Variants in HTR2C observed in about 807,000 individuals in gnomAD.
The protein encoded by HTR2C is 5-hydroxytryptamine (serotonin) receptor 2C, G protein-coupled.
In HTR2C, 5 loss-of-function variants were observed where a neutral mutation model predicts 21.0. The ratio of observed to expected loss-of-function variants is 0.24; its 90% CI spans 0.12 to 0.50. The LOEUF (loss-of-function observed/expected upper bound fraction) is 0.50, where lower values mean the gene tolerates loss of function less well. Among genes scored for constraint, HTR2C ranks in the 20% least tolerant of loss-of-function variants. The probability of loss-of-function intolerance (pLI) is 0.98; values close to 1 mark genes in which losing one functional copy is unlikely to be tolerated. For synonymous variants in HTR2C, 150 were observed against 145.3 expected (o/e 1.03, Z -0.23); for missense variants, 271 against 371.2 (o/e 0.73, Z 2.22).
Position 114,647,259 on chromosome X carries a change from A to G in HTR2C, c.-80+33378A>G, listed in dbSNP as rs782120993. Among the ~76,000 whole-genome samples, 32 of 111,996 alleles carry G rather than the reference A, an allele frequency of 2.9e-4. 1 individual carries two copies. The highest frequency in any genetic ancestry group is 5.8e-4 in the Non-Finnish European group (31 of 53,190). On this transcript the variant is annotated intron_variant, in intron 2 of 5. Transcript: ENST00000276198. Reference sequence around the variant, plus strand: ...AATGTTCTCCCTACAAAAAAATGATAAGTATTTGAGGTTCTGGCTATACTA... The same window carrying G: ...AATGTTCTCCCTACAAAAAAATGATGAGTATTTGAGGTTCTGGCTATACTA...
rs1294618452 is a variant in HTR2C at position 114,718,973 on chromosome X, AAT to A, written c.-79-7877_-79-7876del. Among the ~76,000 whole-genome samples the A allele has an allele frequency of 9.8e-3, 352 of 35,920 alleles. 2 individuals carry two copies. The highest frequency in any genetic ancestry group is 0.023 in the African/African-American group (318 of 14,020). The allele number at this position is 35,920 out of a possible 115,157, so 31.2% of individuals were successfully genotyped here. On this transcript the variant is annotated intron_variant, in intron 2 of 5. Transcript: ENST00000276198. ...TATATTAATATTAATATTAATATTT[AAT>A]ATATATAATATAATAATATAATATA...
At chrX:114,629,477 T>C (rs1038587054) in intron 2 of HTR2C, among the ~76,000 whole-genome samples, 3 of 111,878 alleles carry the variant, frequency 2.7e-5, no homozygotes, top group African/African-American at 6.5e-5. Context: ...AACTTCCCCA[T>C]ACAGGGAGGA....
intron 1 of HTR2C, among the ~76,000 whole-genome samples, chrX:114,597,218 C>CAAAAAAAA (rs782280036): frequency 2.3e-5 from 1 of 44,179 alleles, no homozygotes; most frequent in African/African-American, 9.2e-5. Context: ...ATTTCATCTC[C>CAAAAAAAA]AAAAAAAAAA....
intron 5 of HTR2C, among the ~76,000 whole-genome samples, chrX:114,854,536 A>C (rs2070943842): frequency 9.0e-6 from 1 of 110,753 alleles, no homozygotes; most frequent in Admixed American, 9.7e-5. Flanking sequence ...GTACCCATTA[A>C]ATAATTTCTC....
chrX:114,636,722 T>C (rs1379163373), intron 2 of HTR2C, among the ~76,000 whole-genome samples: 1 of 112,066 alleles, frequency 8.9e-6, no homozygotes, highest in Non-Finnish European at 1.9e-5. Flanking sequence ...ATGTATGATT[T>C]TCACATTGAT....
intron 5 of HTR2C, among the ~76,000 whole-genome samples, chrX:114,877,836 A>G (rs138864122): frequency 0.02 from 2,181 of 111,029 alleles, 12 homozygotes; most frequent in Non-Finnish European, 0.032. Flanking sequence ...TACAATTTCA[A>G]TCTTCTTAAA....
chrX:114,838,332 T>G (rs2070805348), intron 4 of HTR2C, among the ~76,000 whole-genome samples: 1 of 112,031 alleles, frequency 8.9e-6, no homozygotes, highest in Non-Finnish European at 1.9e-5. Context: ...ACTTAGAGAT[T>G]GATTATAATT....
intron 4 of HTR2C, 27 bp downstream of exon 4, chrX:114,731,634 A>T (rs782034645): frequency 9.9e-7 from 1 of 1,011,241 alleles, no homozygotes; most frequent in Admixed American, 2.4e-5. Flanking sequence ...TCACTTTTCA[A>T]TCTCGTATAA....
intron 4 of HTR2C, among the ~76,000 whole-genome samples, chrX:114,781,814 T>TGA (rs1416235097): frequency 1.1e-5 from 1 of 91,944 alleles, no homozygotes; most frequent in South Asian, 5.6e-4. Flanking sequence ...CCCCGCCGTC[T>TGA]AAAAAAAAAA....
chrX:114,801,795 C>T (rs1189637839), intron 4 of HTR2C, among the ~76,000 whole-genome samples: 1 of 110,657 alleles, frequency 9.0e-6, no homozygotes, highest in Admixed American at 9.7e-5. Context: ...TCACCTCAAG[C>T]ATTTATGCTT....
intron 2 of HTR2C, among the ~76,000 whole-genome samples, chrX:114,710,945 T>C (rs1204134791): frequency 8.9e-6 from 1 of 111,796 alleles, no homozygotes; most frequent in African/African-American, 3.2e-5. Context: ...TGAGAGCAAC[T>C]TCCCAATTTT....
intron 4 of HTR2C, among the ~76,000 whole-genome samples, chrX:114,799,546 C>T (rs1313050841): frequency 9.1e-6 from 1 of 110,481 alleles, no homozygotes; most frequent in African/African-American, 3.3e-5. Flanking sequence ...AGTACATATG[C>T]ATTCTTACCA....
intron 4 of HTR2C, among the ~76,000 whole-genome samples, chrX:114,773,573 C>T (rs2070026629): frequency 8.9e-6 from 1 of 112,144 alleles, no homozygotes; most frequent in Non-Finnish European, 1.9e-5. Flanking sequence ...AGTTGTTTGT[C>T]AGTGCACTTT....
In HTR2C at chrX:114,809,924, C is replaced by A. The variant is rs150507266; in HGVS notation, c.350-38079C>A. On this transcript the variant is annotated intron_variant, in intron 4 of 5. Coordinates refer to ENST00000276198, the MANE Select transcript of HTR2C (RefSeq NM_000868.4). ...CAGGGCTCTGAGTCTCACCCAAGGC[C>A]CATGGCAAATTCTGCTCGGCTACCA... is the stretch of plus-strand genomic sequence containing the variant. Among the ~76,000 whole-genome samples the A allele has an allele frequency of 2.2e-3, 251 of 111,821 alleles. 1 individual carries two copies. Among genetic ancestry groups the A allele is most frequent in the Non-Finnish European group, 3.4e-3 (181 of 53,144 alleles).
At chrX:114,864,664 C>CT (rs782136230) in intron 5 of HTR2C, among the ~76,000 whole-genome samples, 13 of 111,198 alleles carry the variant, frequency 1.2e-4, no homozygotes, top group Non-Finnish European at 2.5e-4. Context: ...GAGTTTTGTA[C>CT]TTTCTTTCAT....
chrX:114,684,682 T>C (rs1489914666), intron 2 of HTR2C, among the ~76,000 whole-genome samples: 3 of 111,166 alleles, frequency 2.7e-5, no homozygotes, highest in Admixed American at 9.7e-5. Flanking sequence ...AAAAACTTTT[T>C]TGGCATATAA....
chrX:114,729,140 T>C (rs907698625), intron 3 of HTR2C, among the ~76,000 whole-genome samples: 8 of 112,038 alleles, frequency 7.1e-5, no homozygotes, highest in African/African-American at 2.6e-4. Context: ...GATTACTTTT[T>C]TGAGTCCAGT....
Position 114,871,640 on chromosome X carries a change from T to TTA in HTR2C, c.550+23438_550+23439insAT, listed in dbSNP as rs782464341. Among the ~76,000 whole-genome samples the TTA allele has an allele frequency of 2.2e-4, 24 of 109,811 alleles. No individual in the cohort carries two copies. In the Admixed American group the frequency reaches 2.2e-3, roughly 10 times the overall value. On this transcript the variant is annotated intron_variant, in intron 5 of 5. Coordinates refer to ENST00000276198, the MANE Select transcript of HTR2C (RefSeq NM_000868.4). The stretch of plus-strand genomic sequence containing the variant: ...ATTTTTGTGACATCTTCATCTGTTT[T>TTA]TTTTTTTGTATCAGGATAATATTGA...
chrX:114,642,349 A>G (rs782287881), intron 2 of HTR2C, among the ~76,000 whole-genome samples: 12 of 112,021 alleles, frequency 1.1e-4, no homozygotes, highest in Admixed American at 1.9e-4. Context: ...AATAAAGTAC[A>G]TTAATTTTTA....
Sources: allele counts gnomAD v4.1 joint callset (sites outside exome capture counted in the v4.1 genomes callset), GRCh38; gene constraint gnomAD v4.1.1; transcripts MANE v1.5; gene names NCBI Gene and HGNC (gene_info 2026-07-23, HGNC 2026-07-21).